Variants in FAN1 observed in about 807,000 individuals in gnomAD.
The protein encoded by FAN1 is FANCD2 and FANCI associated nuclease 1.
A neutral mutation model predicts 104.9 loss-of-function variants in FAN1; 91 were observed. That is an observed-to-expected ratio of 0.87 (90% confidence interval 0.73 to 1.03). The LOEUF (loss-of-function observed/expected upper bound fraction) is 1.03, where lower values mean the gene tolerates loss of function less well. FAN1 is among the 50% of genes least tolerant of loss of function. The pLI, the probability that FAN1 is intolerant of heterozygous loss-of-function variation, is 0.00. For synonymous variants in FAN1, 478 were observed against 457.6 expected (o/e 1.04, Z -0.57); for missense variants, 1,263 against 1,239.9 (o/e 1.02, Z -0.28).
chr15:30,908,676 T>C (rs779930092), intron 3 of FAN1, among the ~76,000 whole-genome samples: 3 of 138,524 alleles, frequency 2.2e-5, no homozygotes, highest in Admixed American at 7.7e-5. Context: ...AGAAACCCCA[T>C]CTCTACTAAA....
At chr15:30,918,024 T>C (rs1317912386) in intron 5 of FAN1, 140 bp from the exon 6 acceptor site, 1 of 770,626 alleles carries the variant, frequency 1.3e-6, no homozygotes, top group East Asian at 2.6e-5. Context: ...AGATAAATTA[T>C]TATTAGAATA....
chr15:30,912,562 C>T (rs544776062), intron 4 of FAN1, among the ~76,000 whole-genome samples: 2 of 152,126 alleles, frequency 1.3e-5, no homozygotes, highest in Non-Finnish European at 2.9e-5. Flanking sequence ...TGATAGGAAT[C>T]CCACCCCTTC....
At position 30,904,743 on chromosome 15, in the gene FAN1, C is replaced by A; in HGVS notation, c.80C>A (p.Ser27Tyr). ...ATCAGCAAGAATAAGAAAAAAGCAT[C>A]TAATTCTATTATTTCGTGTTTTAAC... ...LSISKNKKKA[S>Y]NSIISCFNNA... The change falls in exon 2 of 15, where the codon TCT becomes TAT. Residue 27 changes from serine to tyrosine, a missense_variant. Physicochemically the swap from Ser to Tyr is moderately radical, Grantham distance 144. Coordinates refer to ENST00000362065, the MANE Select transcript of FAN1 (RefSeq NM_014967.5). 3.7e-6 allele frequency: 6 copies of A among 1,612,280 alleles called. No homozygotes were observed. Among genetic ancestry groups the A allele is most frequent in the Non-Finnish European group, 4.2e-6 (5 of 1,178,718 alleles).
At position 30,929,697 on chromosome 15, in the gene FAN1, ATATAT is replaced by A. The variant is rs1447545359; in HGVS notation, c.2787+306_2787+310del. ...ATATATCATATAATATATATAAAATATATATTATATCATATATAATATATATAAAA... is the reference window on the plus strand; with the variant it reads ...ATATATCATATAATATATATAAAATATATATCATATATAATATATATAAAA... On this transcript the variant is annotated intron_variant, in intron 12 of 14. Transcript: ENST00000362065. Among the ~76,000 whole-genome samples, 26 of 62,382 alleles carry A rather than the reference ATATAT, an allele frequency of 4.2e-4. No homozygotes were observed. In the South Asian group the frequency reaches 5.7e-3, roughly 14 times the overall value. 40.9% of individuals were successfully genotyped at this position (62,382 alleles called of 152,430 possible).
At chr15:30,913,459 C>A (rs991459578) in intron 4 of FAN1, among the ~76,000 whole-genome samples, 1 of 152,116 alleles carries the variant, frequency 6.6e-6, no homozygotes, top group Non-Finnish European at 1.5e-5. Flanking sequence ...TTACCTGGAG[C>A]CTTTGATAAT....
upstream of FAN1, chr15:30,903,890 G>C (rs1230339173): frequency 1.3e-5 from 2 of 152,856 alleles, no homozygotes; most frequent in Non-Finnish European, 2.9e-5. Context: ...GGAGCCAGGT[G>C]GGAGGTGCGA....
In FAN1 at chr15:30,905,783, T is replaced by TAA. The variant is rs753955775; in HGVS notation, c.1121_1122insAA (p.Tyr374Ter). ...NGPGQTTGHP[Y>*]YLRSFLVVLK... ...TCCTGGTCAAACAACCGGTCATCCT[T>TAA]ACTACCTTCGGAGTTTCCTTGTGGT... Residue 374 changes from tyrosine to a stop codon, truncating the protein, a stop_gained and frameshift_variant, in exon 2 of 15, where the codon TAC (tyrosine) becomes TAAAC (stop). Transcript: ENST00000362065. LOFTEE classifies it high-confidence loss of function. 1.9e-6 allele frequency: 3 copies of TAA among 1,614,102 alleles called. No homozygotes were observed.
At position 30,914,065 on chromosome 15, in the gene FAN1, C is replaced by T; in HGVS notation, c.1785C>T (p.Ile595=). Residue 595 remains isoleucine, a synonymous_variant, in exon 5 of 15, where the codon ATC becomes ATT. Coordinates refer to ENST00000362065, the MANE Select transcript of FAN1 (RefSeq NM_014967.5). ...ACACCATCAATCGGAAAACCCACAT[C>T]TTCCAAGACAGAGATGATCTTATCA... ...PSYTINRKTH[I]FQDRDDLIRY... The T allele has an allele frequency of 6.2e-7, 1 of 1,613,722 alleles. No homozygotes were observed. The highest frequency in any genetic ancestry group is 8.5e-7 in the Non-Finnish European group (1 of 1,179,636).
At chr15:30,904,271 C>T (rs1185158057) in intron 1 of FAN1, among the ~76,000 whole-genome samples, 1 of 152,118 alleles carries the variant, frequency 6.6e-6, no homozygotes, top group African/African-American at 2.4e-5. Context: ...TTTTTAGAAA[C>T]GGATAGTTTT....
chr15:30,938,998 T>C lies in FAN1; in HGVS notation c.*3+1739T>C, dbSNP rs8028459. 4.8e-3 allele frequency: 4,777 copies of C among 985,322 alleles called. 165 individuals are homozygous for C. The African/African-American group carries it at 0.076, about 16-fold the overall frequency. 61.0% of individuals were successfully genotyped at this position (985,322 alleles called of 1,614,324 possible). A position where few individuals can be genotyped will look rare whatever the true frequency, so the allele number is the denominator to read the frequency against. On this transcript the variant is annotated intron_variant, in intron 14 of 14. Transcript: ENST00000362065. ...AAATTTCCTTCACATTCAATACTGT[T>C]GAACAACAAGATAACACATCTTCTT... is the stretch of plus-strand genomic sequence containing the variant.
At chr15:30,937,895 GT>G (rs1265201738) in intron 14 of FAN1, among the ~76,000 whole-genome samples, 1 of 151,934 alleles carries the variant, frequency 6.6e-6, no homozygotes, top group Non-Finnish European at 1.5e-5. Flanking sequence ...TTATAAAAAA[GT>G]AGTGGCTGGG....
At chr15:30,929,105 G>T (rs777589880) in intron 11 of FAN1, 98 bp from the exon 12 acceptor site, 23 of 985,714 alleles carry the variant, frequency 2.3e-5, no homozygotes, top group Non-Finnish European at 3.2e-5. Context: ...GAATGTATCG[G>T]TTGGCCGGTT....
At chr15:30,920,490 G>A in intron 6 of FAN1, 55 bp from the exon 7 acceptor site, 1 of 1,097,486 alleles carries the variant, frequency 9.1e-7, no homozygotes, top group Non-Finnish European at 1.4e-6. Context: ...TGTTATTATT[G>A]TCTTATAATA....
At chr15:30,922,903 C>T (rs1237853276) in intron 8 of FAN1, among the ~76,000 whole-genome samples, 3 of 152,328 alleles carry the variant, frequency 2.0e-5, no homozygotes, top group Middle Eastern at 3.4e-3. Context: ...GATCTAGGGG[C>T]ACTTGGAAGC....
chr15:30,909,720 T>A (rs1321029205), intron 3 of FAN1, among the ~76,000 whole-genome samples: 3 of 152,168 alleles, frequency 2.0e-5, no homozygotes, highest in Admixed American at 6.5e-5. Flanking sequence ...CCAGGATGAG[T>A]GCATTCCTGT....
chr15:30,937,853 A>G (rs1018700914), intron 14 of FAN1, among the ~76,000 whole-genome samples: 1 of 151,428 alleles, frequency 6.6e-6, no homozygotes, highest in Admixed American at 6.6e-5. Context: ...GGAAAACTCA[A>G]AAACAAGTGA....
chr15:30,917,382 G>C (rs532822436), intron 5 of FAN1, among the ~76,000 whole-genome samples: 53 of 152,244 alleles, frequency 3.5e-4, no homozygotes, highest in African/African-American at 1.2e-3. Context: ...CTGGCATATG[G>C]ACAATGTTTG....
chr15:30,913,844 T>G lies in FAN1; in HGVS notation c.1578-14T>G, dbSNP rs75971779. ...AAAAAGCTAAAAGTTATTTCTACATTGTACATTTTTCAGAGCCAAAGCCTT... is the reference window on the plus strand; with the variant it reads ...AAAAAGCTAAAAGTTATTTCTACATGGTACATTTTTCAGAGCCAAAGCCTT... On this transcript the variant is annotated splice_polypyrimidine_tract_variant and intron_variant, in intron 4 of 14. Coordinates refer to ENST00000362065, the MANE Select transcript of FAN1 (RefSeq NM_014967.5). The G allele has an allele frequency of 2.6e-3, 4,001 of 1,543,050 alleles. 87 individuals are homozygous for G. In the African/African-American group the frequency reaches 0.049, roughly 19 times the overall value.
At chr15:30,922,456 T>C (rs943428716) in intron 8 of FAN1, 102 bp downstream of exon 8, 181 of 1,179,408 alleles carry the variant, frequency 1.5e-4, no homozygotes, top group Admixed American at 2.1e-4. Context: ...AATTAGAACA[T>C]GTATTTCTTT....
Sources: allele counts gnomAD v4.1 joint callset (sites outside exome capture counted in the v4.1 genomes callset), GRCh38; gene constraint gnomAD v4.1.1; transcripts MANE v1.5; gene names NCBI Gene and HGNC (gene_info 2026-07-23, HGNC 2026-07-21).